Variants in MYRF observed in about 807,000 individuals in gnomAD.
The protein encoded by MYRF is myelin gene regulatory factor.
In MYRF, 16 loss-of-function variants were observed where a neutral mutation model predicts 126.3. The ratio of observed to expected loss-of-function variants is 0.13; its 90% CI spans 0.09 to 0.19. MYRF has a LOEUF of 0.19. MYRF is among the 10% of genes least tolerant of loss of function. MYRF has a pLI of 1.00. For missense variants in MYRF, 1,104 were observed against 1,547.0 expected, an observed-to-expected ratio of 0.71 and a Z score of 4.80; for synonymous variants, 608 against 635.3, an observed-to-expected ratio of 0.96 and a Z score of 0.65.
At chr11:61,781,531 C>T in intron 21 of MYRF, 42 bp from the exon 22 acceptor site, 1 of 1,589,458 alleles carries the variant, frequency 6.3e-7, no homozygotes, top group Non-Finnish European at 8.6e-7. Context: ...CAGGAAGCAG[C>T]CAGCTTCCAG....
chr11:61,752,693 G>C lies in MYRF; in HGVS notation c.-52G>C. 1.6e-6 allele frequency: 2 copies of C among 1,264,152 alleles called. No homozygotes were observed. Among genetic ancestry groups the C allele is most frequent in the Non-Finnish European group, 2.0e-6 (2 of 1,004,326 alleles). The allele number at this position is 1,264,152 out of a possible 1,614,324, so 78.3% of individuals were successfully genotyped here. ...GCCGCGCCGGCGATGCCGCGCCCCC[G>C]GGCCGGGCTGTAGCGGGGCCGCGGC... is the stretch of plus-strand genomic sequence containing the variant. On this transcript the variant is annotated 5_prime_UTR_variant, in exon 1 of 27. Coordinates refer to ENST00000278836, the MANE Select transcript of MYRF (RefSeq NM_001127392.3).
At chr11:61,755,575 T>C (rs2065728645) in intron 1 of MYRF, 1 of 1,170,172 alleles carries the variant, frequency 8.5e-7, no homozygotes, top group South Asian at 1.3e-5. Context: ...GGGGTGACCG[T>C]CTGTGCCTGG....
In MYRF at chr11:61,771,602, C is replaced by T. The variant is rs757091893; in HGVS notation, c.843C>T (p.Thr281=). The T allele has an allele frequency of 8.7e-6, 14 of 1,613,844 alleles. No individual in the cohort carries two copies. Among genetic ancestry groups the T allele is most frequent in the East Asian group, 6.7e-5 (3 of 44,866 alleles). ...LNGMIKQEPG[T]VTALPLHPTR... Reference sequence around the variant, plus strand: ...GAATGATCAAACAGGAGCCTGGGACCGTGACAGCCCTGCCTCTGCACCCCA... The same window carrying T: ...GAATGATCAAACAGGAGCCTGGGACTGTGACAGCCCTGCCTCTGCACCCCA... The change falls in exon 6 of 27, where the codon ACC becomes ACT. Residue 281 remains threonine (T), a synonymous_variant. Transcript: ENST00000278836.
rs1222518045 is a variant in MYRF, at chr11:61,776,380, G to A, written c.1447G>A (p.Glu483Lys). Reference sequence around the variant, plus strand: ...GACTGTGGGGCGGCTGCACTTCAGCGAGACCACCGCTAACAACATGCGTAA... The same window carrying A: ...GACTGTGGGGCGGCTGCACTTCAGCAAGACCACCGCTAACAACATGCGTAA... ...KVTVGRLHFSETTANNMRKKG... is the reference protein window; with the variant it reads ...KVTVGRLHFSKTTANNMRKKG... The change falls in exon 10 of 27, where the codon GAG (glutamate) becomes AAG (lysine). Residue 483 changes from glutamate (E) to lysine (K), a missense_variant. By Grantham distance (56) the Glu-to-Lys change is moderately conservative. Coordinates refer to ENST00000278836, the MANE Select transcript of MYRF (RefSeq NM_001127392.3). This position sits in a 1 kb window ranked among gnomAD's most constrained non-coding sequence, Gnocchi z 4.3. 6 of 1,613,114 alleles carry A rather than the reference G, an allele frequency of 3.7e-6. No homozygotes were observed. The highest frequency in any genetic ancestry group is 1.3e-5 in the African/African-American group (1 of 74,896).
intron 3 of MYRF, among the ~76,000 whole-genome samples, chr11:61,768,963 TG>T (rs1756064623): frequency 6.6e-6 from 1 of 152,106 alleles, no homozygotes; most frequent in Admixed American, 6.5e-5. Context: ...GCCTTCGGTC[TG>T]GGGCGGGAGT....
At chr11:61,780,368 G>T in intron 18 of MYRF, 78 bp downstream of exon 18, 1 of 1,287,632 alleles carries the variant, frequency 7.8e-7, no homozygotes, top group South Asian at 1.3e-5. Flanking sequence ...AGAGCCATGA[G>T]ACTGTCTTCT....
At chr11:61,773,731 G>A (rs1377135515) in intron 7 of MYRF, among the ~76,000 whole-genome samples, 1 of 152,150 alleles carries the variant, frequency 6.6e-6, no homozygotes, top group Non-Finnish European at 1.5e-5. Context: ...GGGCGGGGCG[G>A]TGGCCTAAGG....
rs1025441971 is a variant in MYRF at position 61,787,181 on chromosome 11, G to A, written c.*1038G>A. The A allele has an allele frequency of 1.3e-4, 20 of 152,686 alleles. No individual in the cohort carries two copies. The highest frequency in any genetic ancestry group is 4.3e-4 in the African/African-American group (18 of 41,432). 9.5% of individuals were successfully genotyped at this position (152,686 alleles called of 1,614,324 possible). A position where few individuals can be genotyped will look rare whatever the true frequency, so the allele number is the denominator to read the frequency against. ...CAGGGCAGGAAGGAATGGAAGGATG[G>A]AGCTAGAAAGCTCAGAGTGGGCCAG... On this transcript the variant is annotated 3_prime_UTR_variant, in exon 27 of 27. Transcript: ENST00000278836.
Position 61,777,685 on chromosome 11 carries a change from T to C in MYRF, c.1792-49T>C. The C allele has an allele frequency of 6.6e-7, 1 of 1,516,754 alleles. No individual in the cohort carries two copies. The highest frequency in any genetic ancestry group is 8.9e-7 in the Non-Finnish European group (1 of 1,118,138). 94.0% of individuals were successfully genotyped at this position (1,516,754 alleles called of 1,614,324 possible). ...CGCCCTCCTGGGCTCCGGGGCCTGC[T>C]CCGGGACGGCCGCAGGAGGGGTTCA... On this transcript the variant is annotated intron_variant, in intron 12 of 26. Coordinates refer to ENST00000278836, the MANE Select transcript of MYRF (RefSeq NM_001127392.3). The surrounding 1 kb of genome is among the most constrained non-coding windows in gnomAD (Gnocchi z 8.8).
chr11:61,778,817 A>C lies in MYRF; in HGVS notation c.2013+328A>C. On this transcript the variant is annotated intron_variant, in intron 14 of 26. Coordinates refer to ENST00000278836, the MANE Select transcript of MYRF (RefSeq NM_001127392.3). This position sits in a 1 kb window ranked among gnomAD's most constrained non-coding sequence, Gnocchi z 4.6. ...CGTATGGTTACCTCCAGGCTGAAAT[A>C]CGTGGTTTATTGTGAGGACGACGTT... 1 of 559,474 alleles carries C rather than the reference A, an allele frequency of 1.8e-6. No homozygotes were observed. The highest frequency in any genetic ancestry group is 4.3e-5 in the East Asian group (1 of 23,216). The allele number at this position is 559,474 out of a possible 1,614,324, so 34.7% of individuals were successfully genotyped here.
At chr11:61,780,876 C>A (rs1373926988) in intron 19 of MYRF, 84 bp downstream of exon 19, 23 of 1,583,504 alleles carry the variant, frequency 1.5e-5, no homozygotes, top group Non-Finnish European at 1.9e-5. Context: ...CCTCTTCCTG[C>A]CCTCCTGCCT....
chr11:61,773,743 A>T (rs907560361), intron 7 of MYRF, among the ~76,000 whole-genome samples: 15 of 152,138 alleles, frequency 9.9e-5, no homozygotes, highest in African/African-American at 3.6e-4. Context: ...GGCCTAAGGC[A>T]TGGGGTATAG....
At position 61,778,263 on chromosome 11, in the gene MYRF, A is replaced by AGG; in HGVS notation, c.1904-117_1904-116insGG. 1 of 750,458 alleles carries AGG rather than the reference A, an allele frequency of 1.3e-6. No individual in the cohort carries two copies. The highest frequency in any genetic ancestry group is 2.4e-6 in the Non-Finnish European group (1 of 422,150). 46.5% of individuals were successfully genotyped at this position (750,458 alleles called of 1,614,324 possible). On this transcript the variant is annotated intron_variant, in intron 13 of 26. Transcript: ENST00000278836. This position sits in a 1 kb window ranked among gnomAD's most constrained non-coding sequence, Gnocchi z 4.6. The stretch of plus-strand genomic sequence containing the variant: ...CCTGCTCCAGGGCTCCTTGGAATCC[A>AGG]AATCTCTGGGTTCCAGAACTTCACC...
intron 1 of MYRF, 86 bp from the exon 2 acceptor site, chr11:61,765,539 T>C: frequency 9.0e-7 from 1 of 1,111,032 alleles, no homozygotes; most frequent in Non-Finnish European, 1.3e-6. Flanking sequence ...AGGGCCAGCC[T>C]GGGCAGGGAT....
intron 1 of MYRF, among the ~76,000 whole-genome samples, chr11:61,764,412 TC>T (rs1196226305): frequency 6.6e-6 from 1 of 152,204 alleles, no homozygotes; most frequent in Non-Finnish European, 1.5e-5. Context: ...GCTGTACATG[TC>T]CCCATTGCAC....
chr11:61,752,801 G>A lies in MYRF; in HGVS notation c.46+11G>A. On this transcript the variant is annotated intron_variant, in intron 1 of 26. Transcript: ENST00000278836. ...AGCGCTTCTTCGAAGGTGAGAGACC[G>A]CGGGCTGGCGGCGGCGACCCTCTGG... 6.7e-7 allele frequency: 1 copy of A among 1,486,438 alleles called. No individual in the cohort carries two copies. The highest frequency in any genetic ancestry group is 2.5e-5 in the Admixed American group (1 of 39,354). 92.1% of individuals were successfully genotyped at this position (1,486,438 alleles called of 1,614,324 possible).
chr11:61,772,230 C>T (rs1297613511), intron 7 of MYRF, among the ~76,000 whole-genome samples: 1 of 152,192 alleles, frequency 6.6e-6, no homozygotes, highest in Admixed American at 6.5e-5. Context: ...GTTCCTCCTT[C>T]CCCACCTCCT....
chr11:61,769,373 G>C, intron 4 of MYRF, 52 bp downstream of exon 4: 1 of 1,470,558 alleles, frequency 6.8e-7, no homozygotes, highest in African/African-American at 1.4e-5. Context: ...CAAGTAGTTG[G>C]GGCGGCCTTA....
At chr11:61,755,376 C>G (rs762451771) in intron 1 of MYRF, 1 of 1,608,502 alleles carries the variant, frequency 6.2e-7, no homozygotes, top group South Asian at 1.1e-5. Flanking sequence ...GCAAGGCAGC[C>G]CAGATCGGCG....
Sources: allele counts gnomAD v4.1 joint callset (sites outside exome capture counted in the v4.1 genomes callset), GRCh38; gene constraint gnomAD v4.1.1; non-coding constraint Gnocchi (gnomAD v3.1); transcripts MANE v1.5; gene names NCBI Gene and HGNC (gene_info 2026-07-23, HGNC 2026-07-21).